SIN3A: variants seen among roughly 807,000 people sequenced by gnomAD.
SIN3A encodes the protein paired amphipathic helix protein Sin3a.
In SIN3A, 14 loss-of-function variants were observed where a neutral mutation model predicts 146.1. The observed-to-expected ratio is 0.10, with a 90% CI of 0.06 to 0.15. The LOEUF is 0.15. Ranked by LOEUF, SIN3A falls within the 10% of genes least tolerant of loss-of-function variation. The probability of loss-of-function intolerance (pLI) is 1.00; values close to 1 mark genes in which losing one functional copy is unlikely to be tolerated. For synonymous variants in SIN3A, 572 were observed against 572.0 expected (o/e 1.00, Z 0.00); for missense variants, 1,028 against 1,576.0 (o/e 0.65, Z 5.89).
chr15:75,408,215 A>G (rs1369659646), intron 8 of SIN3A, among the ~76,000 whole-genome samples: 1 of 152,234 alleles, frequency 6.6e-6, no homozygotes, highest in Non-Finnish European at 1.5e-5. Context: ...GGGCGGACGT[A>G]AATCCAAGCA....
At chr15:75,378,702 TTCAA>T (rs569988047) in intron 19 of SIN3A, among the ~76,000 whole-genome samples, 118 of 152,266 alleles carry the variant, frequency 7.7e-4, no homozygotes, top group Non-Finnish European at 1.3e-3. Context: ...CTTCACATAT[TTCAA>T]TCAAACAACA....
intron 1 of SIN3A, among the ~76,000 whole-genome samples, chr15:75,444,469 T>C (rs1307227245): frequency 6.6e-6 from 1 of 152,064 alleles, no homozygotes; most frequent in African/African-American, 2.4e-5. Context: ...AAAATAAATT[T>C]TCTCTTTGCT....
chr15:75,428,128 G>A (rs1482754346), intron 2 of SIN3A, among the ~76,000 whole-genome samples: 2 of 152,144 alleles, frequency 1.3e-5, no homozygotes, highest in African/African-American at 4.8e-5. Flanking sequence ...TCAGGACATA[G>A]AACAGGAATA....
chr15:75,389,680 T>C lies in SIN3A; in HGVS notation c.2993A>G (p.Asp998Gly). 6.2e-7 allele frequency: 1 copy of C among 1,614,138 alleles called. No individual in the cohort carries two copies. The change falls in exon 16 of 21, where the codon GAC (aspartate) becomes GGC (glycine). Residue 998 changes from aspartate to glycine, a missense_variant. Physicochemically the swap from Asp to Gly is moderately conservative, Grantham distance 94. Around this residue, in one of 9 missense-constraint regions of SIN3A, gnomAD observed 488 missense variants for 690.2 expected, o/e 0.71. Transcript: ENST00000394947. The part of the protein sequence containing the change: ...TIHAYIAFTM[D>G]KLIQSIVRQL... ...TCTGACAATGCTCTGGATCAGTTTG[T>C]CCATGGTAAAGGCAATGTAGGCATG... is the stretch of plus-strand genomic sequence containing the variant.
intron 1 of SIN3A, among the ~76,000 whole-genome samples, chr15:75,439,045 A>G (rs914345462): frequency 2.0e-5 from 3 of 152,208 alleles, no homozygotes; most frequent in African/African-American, 7.2e-5. Context: ...ACACCATTAG[A>G]TCTAATATCC....
chr15:75,418,883 T>C (rs1227338562), intron 3 of SIN3A, among the ~76,000 whole-genome samples: 2 of 152,116 alleles, frequency 1.3e-5, no homozygotes. Flanking sequence ...GCCTCCCAAG[T>C]AGCTGGGACT....
At position 75,413,033 on chromosome 15, in the gene SIN3A, T is replaced by C. The variant is rs1158929265; in HGVS notation, c.486A>G (p.Pro162=). The change falls in exon 5 of 21, where the codon CCA becomes CCG. Residue 162 remains proline, a synonymous_variant. Transcript: ENST00000394947. ...KEFKSQSIDT[P]GVISRVSQLF... ...GCTGGGACACACGACTAATCACTCC[T>C]GGGGTGTCGATGCTGATAAAAAACA... is the stretch of plus-strand genomic sequence containing the variant. 6.2e-7 allele frequency: 1 copy of C among 1,603,338 alleles called. No homozygotes were observed. The highest frequency in any genetic ancestry group is 8.5e-7 in the Non-Finnish European group (1 of 1,176,592).
intron 5 of SIN3A, 131 bp downstream of exon 5, chr15:75,412,632 A>G: frequency 1.1e-6 from 1 of 924,720 alleles, no homozygotes; most frequent in Non-Finnish European, 1.6e-6. Context: ...GTTTTCATAC[A>G]GCATTTTTCT....
intron 2 of SIN3A, among the ~76,000 whole-genome samples, chr15:75,423,441 G>C (rs1157607981): frequency 6.6e-6 from 1 of 152,142 alleles, no homozygotes; most frequent in Non-Finnish European, 1.5e-5. Context: ...CACTTTGAGA[G>C]GCCAATGCAG....
At chr15:75,446,104 T>A (rs2074302193) in intron 1 of SIN3A, 1 of 152,190 alleles carries the variant, frequency 6.6e-6, no homozygotes, top group African/African-American at 2.4e-5. Context: ...AAGAAGCTTA[T>A]ATTTTAGTGA....
intron 1 of SIN3A, among the ~76,000 whole-genome samples, chr15:75,447,415 G>A (rs542105876): frequency 2.0e-5 from 3 of 152,328 alleles, no homozygotes; most frequent in East Asian, 1.9e-4. Flanking sequence ...AGGAGACATC[G>A]AGTGGAGACC....
At chr15:75,380,771 G>C in intron 18 of SIN3A, 48 bp from the exon 19 acceptor site, 1 of 1,292,170 alleles carries the variant, frequency 7.7e-7, no homozygotes, top group Non-Finnish European at 1.1e-6. Flanking sequence ...CACAAAAACA[G>C]CTCCTAATGC....
chr15:75,437,475 C>CT (rs947904092), intron 1 of SIN3A, among the ~76,000 whole-genome samples: 6 of 152,108 alleles, frequency 3.9e-5, no homozygotes, highest in Non-Finnish European at 8.8e-5. Context: ...CCAGACCCCT[C>CT]TTTTTTTGAG....
upstream of SIN3A, among the ~76,000 whole-genome samples, chr15:75,452,602 C>T (rs1456091098): frequency 6.6e-6 from 1 of 152,360 alleles, no homozygotes; most frequent in Middle Eastern, 3.4e-3. Flanking sequence ...GAGAAGTAAA[C>T]TCCCTAGAGC....
intron 6 of SIN3A, 97 bp from the exon 7 acceptor site, chr15:75,410,383 CATGTAA>C: frequency 1.7e-6 from 2 of 1,208,746 alleles, no homozygotes; most frequent in Non-Finnish European, 2.3e-6. Flanking sequence ...ATTTAGGCTG[CATGTAA>C]GAAGAAAGTC....
rs1345253872 is a variant in SIN3A at position 75,451,526 on chromosome 15, G to A, written c.-137C>T. On this transcript the variant is annotated 5_prime_UTR_variant, in exon 1 of 21. Coordinates refer to ENST00000394947, the MANE Select transcript of SIN3A (RefSeq NM_001145358.2). ...CGGCGCGGGGCACAGGCCCGCCGAA[G>A]CGGACTGCCAGCTACCTCTCCACTA... 6.7e-6 allele frequency: 1 copy of A among 149,354 alleles called. No individual in the cohort carries two copies. Among genetic ancestry groups the A allele is most frequent in the African/African-American group, 2.5e-5 (1 of 40,494 alleles). The allele number at this position is 149,354 out of a possible 1,614,324, so 9.3% of individuals were successfully genotyped here.
intron 1 of SIN3A, among the ~76,000 whole-genome samples, chr15:75,450,097 T>C (rs913002071): frequency 2.0e-5 from 3 of 151,918 alleles, no homozygotes; most frequent in East Asian, 1.9e-4. Context: ...TAAGTTTATA[T>C]AGCAGAACCA....
Position 75,412,883 on chromosome 15 carries a change from G to A in SIN3A, c.636C>T (p.Pro212=), listed in dbSNP as rs2141498919. 6.2e-7 allele frequency: 1 copy of A among 1,613,628 alleles called. No homozygotes were observed. Among genetic ancestry groups the A allele is most frequent in the Non-Finnish European group, 8.5e-7 (1 of 1,179,834 alleles). ...GAGGCTGTGGCTGGATGCCATGGGT[G>A]GGAATCTGATGAACCTGGCCAGGAG... is the stretch of plus-strand genomic sequence containing the variant. ...VTTPGQVHQI[P]THGIQPQPQP... The change falls in exon 5 of 21, where the codon CCC becomes CCT. Residue 212 remains proline, a synonymous_variant. Transcript: ENST00000394947.
chr15:75,409,058 GC>G (rs1413127825), intron 8 of SIN3A, among the ~76,000 whole-genome samples: 1 of 152,122 alleles, frequency 6.6e-6, no homozygotes, highest in Non-Finnish European at 1.5e-5. Flanking sequence ...GCAAAAATTA[GC>G]TGGGCGTGGT....
Sources: gnomAD v4.1 joint callset for allele counts (sites outside exome capture counted in the v4.1 genomes callset) on GRCh38, gnomAD v4.1.1 for gene constraint, gnomAD v4.1.1 regional missense constraint, MANE v1.5 for transcripts, NCBI Gene and HGNC (gene_info 2026-07-23, HGNC 2026-07-21) for gene names.